The following PDE4D variants were observed in gnomAD, a reference collection of about 807,000 sequenced individuals.
PDE4D encodes the protein 3',5'-cyclic-AMP phosphodiesterase 4D.
A neutral mutation model predicts 87.4 loss-of-function variants in PDE4D; 24 were observed. The ratio of observed to expected loss-of-function variants is 0.27; its 90% CI spans 0.20 to 0.39. PDE4D has a LOEUF of 0.39. Among genes scored for constraint, PDE4D ranks in the 10% least tolerant of loss-of-function variants. PDE4D has a pLI of 1.00. For synonymous variants in PDE4D, 384 were observed against 383.2 expected (o/e 1.00, Z -0.02); for missense variants, 714 against 1,041.0 (o/e 0.69, Z 4.32).
rs192229575 is a variant in PDE4D, at chr5:59,330,493, C to T, written c.456-114525G>A. Among the ~76,000 whole-genome samples the T allele has an allele frequency of 2.6e-5, 4 of 152,282 alleles. No homozygotes were observed. In the East Asian group the frequency reaches 7.7e-4, roughly 29 times the overall value. On this transcript the variant is annotated intron_variant, in intron 1 of 14. Coordinates refer to ENST00000340635, the MANE Select transcript of PDE4D (RefSeq NM_001104631.2). ...TGCTCTCCCACTCTCCAATGATGCT[C>T]ATGAAAATTTGTTCTCAGGTAAGAT...
intron 1 of PDE4D, among the ~76,000 whole-genome samples, chr5:60,510,541 G>T (rs1323871183): frequency 6.6e-6 from 1 of 152,160 alleles, no homozygotes; most frequent in Non-Finnish European, 1.5e-5. Context: ...TAAAATAACA[G>T]CTGGGAAGGA....
chr5:60,286,948 C>A (rs1752470119), intron 1 of PDE4D, among the ~76,000 whole-genome samples: 1 of 152,134 alleles, frequency 6.6e-6, no homozygotes, highest in African/African-American at 2.4e-5. Flanking sequence ...AAAATAACAT[C>A]AAGTATGAAA....
chr5:59,489,663 C>T (rs1805829598), intron 1 of PDE4D, among the ~76,000 whole-genome samples: 1 of 152,022 alleles, frequency 6.6e-6, no homozygotes, highest in Non-Finnish European at 1.5e-5. Context: ...ATTTGGGGTG[C>T]CTTAGCTGCA....
chr5:59,926,679 A>C (rs996893353), intron 3 of PDE4D, among the ~76,000 whole-genome samples: 2 of 152,186 alleles, frequency 1.3e-5, no homozygotes, highest in African/African-American at 4.8e-5. Context: ...AAAATCAGAG[A>C]TGAAGAAGGG....
intron 1 of PDE4D, among the ~76,000 whole-genome samples, chr5:60,393,217 T>A (rs980506827): frequency 1.3e-5 from 2 of 152,106 alleles, no homozygotes; most frequent in Non-Finnish European, 2.9e-5. Context: ...TAAACCTCCA[T>A]AAGGTGGATG....
At chr5:59,890,511 A>G (rs1202566572) in intron 1 of PDE4D, among the ~76,000 whole-genome samples, 1 of 152,170 alleles carries the variant, frequency 6.6e-6, no homozygotes, top group East Asian at 1.9e-4. Flanking sequence ...CTTGTGATAT[A>G]TGTCATTTTG....
At chr5:59,785,640 C>T (rs1223161358) in intron 1 of PDE4D, among the ~76,000 whole-genome samples, 1 of 152,320 alleles carries the variant, frequency 6.6e-6, no homozygotes, top group East Asian at 1.9e-4. Flanking sequence ...GTTTTAAGAA[C>T]CACCTCTAGA....
At chr5:60,318,350 C>T (rs2149832701) in intron 1 of PDE4D, among the ~76,000 whole-genome samples, 1 of 152,270 alleles carries the variant, frequency 6.6e-6, no homozygotes, top group East Asian at 1.9e-4. Context: ...GATCTTCCTC[C>T]ATCCCTTTAT....
At chr5:60,412,263 C>A (rs1265754210) in intron 1 of PDE4D, among the ~76,000 whole-genome samples, 1 of 152,096 alleles carries the variant, frequency 6.6e-6, no homozygotes, top group African/African-American at 2.4e-5. Flanking sequence ...GAAAAAACAG[C>A]CAAGGGAGAC....
chr5:59,382,447 G>T (rs1374324698), intron 1 of PDE4D, among the ~76,000 whole-genome samples: 2 of 151,984 alleles, frequency 1.3e-5, no homozygotes, highest in Non-Finnish European at 2.9e-5. Context: ...TCAAATCAGA[G>T]GATATTTTAT....
chr5:60,132,196 G>A (rs953142837), intron 2 of PDE4D, among the ~76,000 whole-genome samples: 2 of 152,088 alleles, frequency 1.3e-5, no homozygotes, highest in Non-Finnish European at 2.9e-5. Flanking sequence ...ATTGCATGTA[G>A]GCTATATAAA....
Position 58,975,223 on chromosome 5 carries a change from C to G in PDE4D, c.2014-143G>C, listed in dbSNP as rs759464981. The G allele has an allele frequency of 1.5e-4, 72 of 495,250 alleles. No homozygotes were observed. Among genetic ancestry groups the G allele is most frequent in the Non-Finnish European group, 2.2e-4 (64 of 287,152 alleles). 30.7% of individuals were successfully genotyped at this position (495,250 alleles called of 1,614,324 possible). Reference sequence around the variant, plus strand: ...TTGGTAAAATTGTCACTATTTTCAACAACAACAGACCATTTAAAGTAAAGT... The same window carrying G: ...TTGGTAAAATTGTCACTATTTTCAAGAACAACAGACCATTTAAAGTAAAGT... On this transcript the variant is annotated intron_variant, in intron 14 of 14. Transcript: ENST00000340635. This position sits in a 1 kb window ranked among gnomAD's most constrained non-coding sequence, Gnocchi z 4.2.
chr5:59,593,100 GA>G (rs888733388), intron 1 of PDE4D, among the ~76,000 whole-genome samples: 11 of 149,648 alleles, frequency 7.4e-5, no homozygotes, highest in African/African-American at 2.2e-4. Flanking sequence ...AATCAAAATG[GA>G]AAAAAAAGAA....
chr5:59,820,401 C>T (rs562685468), intron 1 of PDE4D, among the ~76,000 whole-genome samples: 1 of 152,198 alleles, frequency 6.6e-6, no homozygotes, highest in South Asian at 2.1e-4. Flanking sequence ...ACTTCAGATG[C>T]TTTTATCATT....
intron 1 of PDE4D, among the ~76,000 whole-genome samples, chr5:60,514,760 G>A (rs1750721176): frequency 6.6e-6 from 1 of 151,896 alleles, no homozygotes; most frequent in South Asian, 2.1e-4. Flanking sequence ...AATGCTACAA[G>A]CTTTTCTTCT....
rs374205770 is a variant in PDE4D at position 59,122,067 on chromosome 5, G to A, written c.808+58528C>T. Among the ~76,000 whole-genome samples, 27 of 142,548 alleles carry A rather than the reference G, an allele frequency of 1.9e-4. No individual in the cohort carries two copies. In the East Asian group the frequency reaches 2.7e-3, roughly 14 times the overall value. The allele number at this position is 142,548 out of a possible 152,430, so 93.5% of individuals were successfully genotyped here. On this transcript the variant is annotated intron_variant, in intron 5 of 14. Coordinates refer to ENST00000340635, the MANE Select transcript of PDE4D (RefSeq NM_001104631.2). ...TGAGGCAGAAGAATTGCTTGAACCC[G>A]GGAGGCGGAGGTTGCAGTGAGCTGA...
chr5:60,336,800 C>T (rs974887574), intron 1 of PDE4D, among the ~76,000 whole-genome samples: 2 of 152,146 alleles, frequency 1.3e-5, no homozygotes, highest in Non-Finnish European at 2.9e-5. Flanking sequence ...ACTGGCAATA[C>T]CCATCCAGTG....
chr5:60,437,934 T>C (rs1242173189), intron 1 of PDE4D, among the ~76,000 whole-genome samples: 2 of 152,124 alleles, frequency 1.3e-5, no homozygotes, highest in African/African-American at 4.8e-5. Context: ...GACTTTGTCT[T>C]AAGGAAAAAA....
chr5:59,857,561 T>C (rs777395470), intron 1 of PDE4D, among the ~76,000 whole-genome samples: 1 of 125,902 alleles, frequency 7.9e-6, no homozygotes, highest in East Asian at 1.9e-4. Context: ...ATTTCCCTGA[T>C]GAGCAAGTTA....
Sources: allele counts gnomAD v4.1 joint callset (sites outside exome capture counted in the v4.1 genomes callset), GRCh38; gene constraint gnomAD v4.1.1; non-coding constraint Gnocchi (gnomAD v3.1); transcripts MANE v1.5; gene names NCBI Gene and HGNC (gene_info 2026-07-23, HGNC 2026-07-21).